The following SPATA1 variants were observed in gnomAD, a reference collection of about 807,000 sequenced individuals.
SPATA1 encodes spermatogenesis associated 1.
A neutral mutation model predicts 59.6 loss-of-function variants in SPATA1; 57 were observed. The observed-to-expected ratio is 0.96, with a 90% CI of 0.77 to 1.19. SPATA1 has a LOEUF of 1.19. Among genes scored for constraint, SPATA1 ranks in the 50% most tolerant of loss-of-function variants. The pLI, the probability that SPATA1 is intolerant of heterozygous loss-of-function variation, is 0.00. For synonymous variants in SPATA1, 147 were observed against 163.9 expected (o/e 0.90, Z 0.79); for missense variants, 448 against 480.7 (o/e 0.93, Z 0.64).
intron 1 of SPATA1, among the ~76,000 whole-genome samples, chr1:84,510,101 A>G (rs1036576943): frequency 6.6e-6 from 1 of 152,304 alleles, no homozygotes; most frequent in South Asian, 2.1e-4. Context: ...GCAGAGGTCA[A>G]GGCTGCAGTG....
chr1:84,550,160 ATAAC>A (rs1486199948), intron 11 of SPATA1: 1 of 214,508 alleles, frequency 4.7e-6, no homozygotes, highest in African/African-American at 2.3e-5. Flanking sequence ...AGTCTTGCTA[ATAAC>A]TAAGATATTA....
chr1:84,522,589 C>T, intron 4 of SPATA1, 82 bp downstream of exon 4: 1 of 603,068 alleles, frequency 1.7e-6, no homozygotes, highest in Non-Finnish European at 2.7e-6. Context: ...ATCAACTCAG[C>T]TCCTTAAGAT....
At chr1:84,507,983 G>A (rs1210030833) in intron 1 of SPATA1, among the ~76,000 whole-genome samples, 1 of 152,062 alleles carries the variant, frequency 6.6e-6, no homozygotes, top group African/African-American at 2.4e-5. Context: ...GGATACAAAA[G>A]AAAAATAAAA....
Position 84,532,982 on chromosome 1 carries a change from G to GCATC in SPATA1, c.659+8_659+9insCATC. 6.6e-7 allele frequency: 1 copy of GCATC among 1,521,688 alleles called. No homozygotes were observed. Among genetic ancestry groups the GCATC allele is most frequent in the African/African-American group, 1.4e-5 (1 of 72,404 alleles). 94.3% of individuals were successfully genotyped at this position (1,521,688 alleles called of 1,614,324 possible). On this transcript the variant is annotated intron_variant, in intron 7 of 12. Coordinates refer to ENST00000490879, the Ensembl canonical transcript of SPATA1. ...CTTTGGCACTAAAAAAAGGTAATTA[G>GCATC]TATAGATGCTGATTCCACATGCCAT...
chr1:84,549,939 C>T (rs965241217), intron 11 of SPATA1: 6 of 151,432 alleles, frequency 4.0e-5, no homozygotes, highest in African/African-American at 1.2e-4. Context: ...AATTTTTTCA[C>T]AAAGCCAGTT....
chr1:84,557,533 C>CAAAAAAAAAAAAAAAAA (rs56101174), downstream of SPATA1, among the ~76,000 whole-genome samples: 9 of 55,418 alleles, frequency 1.6e-4, no homozygotes, highest in Non-Finnish European at 3.2e-4. Flanking sequence ...AACTCCATCT[C>CAAAAAAAAAAAAAAAAA]AAAAAAAAAA....
At chr1:84,511,666 TTTTTCTTTC>T (rs1463859498) in intron 1 of SPATA1, among the ~76,000 whole-genome samples, 4 of 123,326 alleles carry the variant, frequency 3.2e-5, no homozygotes, top group Admixed American at 1.6e-4. Flanking sequence ...TTTTTTTTTT[TTTTTCTTTC>T]TTTCTTTTTT....
At chr1:84,509,174 G>T (rs1682418421) in intron 1 of SPATA1, among the ~76,000 whole-genome samples, 1 of 148,696 alleles carries the variant, frequency 6.7e-6, no homozygotes, top group Non-Finnish European at 1.5e-5. Context: ...TTATACAACA[G>T]AGCTATAGTA....
chr1:84,542,211 G>A (rs753503248), intron 8 of SPATA1, among the ~76,000 whole-genome samples: 30 of 152,070 alleles, frequency 2.0e-4, no homozygotes, highest in Non-Finnish European at 2.9e-4. Context: ...TGATCCACCC[G>A]CCTTGGCCTC....
chr1:84,542,227 A>C (rs891361507), intron 8 of SPATA1, among the ~76,000 whole-genome samples: 1 of 152,052 alleles, frequency 6.6e-6, no homozygotes, highest in Non-Finnish European at 1.5e-5. Context: ...GCCTCCCAAG[A>C]AATGCAGTTA....
intron 11 of SPATA1, chr1:84,550,020 A>T (rs1396316939): frequency 1.3e-5 from 2 of 152,010 alleles, no homozygotes; most frequent in South Asian, 2.1e-4. Flanking sequence ...AAAACCAAAA[A>T]GTCTTCTTAT....
chr1:84,509,988 T>C (rs1682465212), intron 1 of SPATA1, among the ~76,000 whole-genome samples: 2 of 151,964 alleles, frequency 1.3e-5, no homozygotes, highest in Non-Finnish European at 2.9e-5. Context: ...AGGAGTTGTA[T>C]AACAGCCTGG....
In SPATA1 at chr1:84,532,851, C is replaced by A. The variant is rs186795078; in HGVS notation, c.545-9C>A. 9 of 1,538,518 alleles carry A rather than the reference C, an allele frequency of 5.8e-6. No homozygotes were observed. In the Admixed American group the frequency reaches 1.4e-4, roughly 24 times the overall value. ...AACTTTATTTGCTGTGGATGACCATCAACATCAGCTGGGGGAAAAGCCACT... is the reference window on the plus strand; with the variant it reads ...AACTTTATTTGCTGTGGATGACCATAAACATCAGCTGGGGGAAAAGCCACT... On this transcript the variant is annotated splice_polypyrimidine_tract_variant and intron_variant, in intron 6 of 12. Coordinates refer to ENST00000490879, the Ensembl canonical transcript of SPATA1.
intron 2 of SPATA1, among the ~76,000 whole-genome samples, chr1:84,519,513 ATAC>A (rs1354081921): frequency 6.6e-6 from 1 of 152,064 alleles, no homozygotes; most frequent in Non-Finnish European, 1.5e-5. Context: ...TAAAATATTA[ATAC>A]ATTTATATAA....
intron 1 of SPATA1, among the ~76,000 whole-genome samples, chr1:84,509,548 G>C (rs1160651651): frequency 6.6e-6 from 1 of 152,208 alleles, no homozygotes; most frequent in Non-Finnish European, 1.5e-5. Flanking sequence ...TGGATCACCT[G>C]AGGTCAGGAG....
chr1:84,533,856 TAA>T (rs2101974588), intron 8 of SPATA1, 90 bp downstream of exon 8: 3 of 770,664 alleles, frequency 3.9e-6, no homozygotes, highest in South Asian at 3.7e-5. Context: ...TTAAAATGTC[TAA>T]GTTTTCCAGA....
At chr1:84,511,462 C>T (rs1462509936) in intron 1 of SPATA1, among the ~76,000 whole-genome samples, 2 of 152,018 alleles carry the variant, frequency 1.3e-5, no homozygotes, top group African/African-American at 2.4e-5. Flanking sequence ...AACACTAGGA[C>T]GTGTCTAGAA....
intron 6 of SPATA1, among the ~76,000 whole-genome samples, chr1:84,528,989 C>T (rs541735472): frequency 7.2e-5 from 11 of 152,064 alleles, no homozygotes; most frequent in Admixed American, 2.0e-4. Flanking sequence ...CAAATGGCAC[C>T]TTTACCACAC....
chr1:84,561,973 T>C (rs1684604319), intron 4 of SPATA1, among the ~76,000 whole-genome samples: 2 of 152,218 alleles, frequency 1.3e-5, no homozygotes, highest in South Asian at 4.1e-4. Context: ...GGTCTAGAAC[T>C]GACTCTGCAA....
Sources: gnomAD v4.1 joint callset for allele counts (sites outside exome capture counted in the v4.1 genomes callset) on GRCh38, gnomAD v4.1.1 for gene constraint, MANE v1.5 for transcripts, NCBI Gene and HGNC (gene_info 2026-07-23, HGNC 2026-07-21) for gene names.